Variants in LMF1 observed in about 807,000 individuals in gnomAD.
The protein encoded by LMF1 is transmembrane protein 112.
LMF1 carries 68 observed loss-of-function variants against 60.6 expected under a neutral mutation model. That is an observed-to-expected ratio of 1.12 (90% confidence interval 0.92 to 1.37). The LOEUF (loss-of-function observed/expected upper bound fraction) is 1.37, where lower values mean the gene tolerates loss of function less well. Ranked by LOEUF, LMF1 falls within the 40% of genes most tolerant of loss-of-function variation. The probability of loss-of-function intolerance (pLI) is 0.00; values close to 1 mark genes in which losing one functional copy is unlikely to be tolerated. For missense variants in LMF1, 948 were observed against 767.2 expected, an observed-to-expected ratio of 1.24 and a Z score of -2.78; for synonymous variants, 418 against 324.7, an observed-to-expected ratio of 1.29 and a Z score of -3.09.
chr16:871,493 C>T, intron 6 of LMF1, 152 bp from the exon 7 acceptor site: 2 of 749,340 alleles, frequency 2.7e-6, no homozygotes, highest in East Asian at 2.7e-5. Flanking sequence ...AACTGAAACC[C>T]AGCTGTGCCT....
intron 2 of LMF1, among the ~76,000 whole-genome samples, chr16:943,756 A>C (rs1482851323): frequency 1.3e-5 from 2 of 148,628 alleles, no homozygotes; most frequent in Non-Finnish European, 3.0e-5. Context: ...AAAAAGAGGA[A>C]TACTTCCCTT....
intron 4 of LMF1, chr16:901,064 G>C (rs921404917): frequency 6.6e-6 from 1 of 152,178 alleles, no homozygotes; most frequent in African/African-American, 2.4e-5. Flanking sequence ...ACAGAAGCCA[G>C]GTAGGGAGTC....
Position 870,716 on chromosome 16 carries a change from C to G in LMF1, c.1232+13G>C. 1.2e-6 allele frequency: 2 copies of G among 1,612,346 alleles called. No homozygotes were observed. Among genetic ancestry groups the G allele is most frequent in the Non-Finnish European group, 1.7e-6 (2 of 1,179,730 alleles). ...ATACCCAGCTCCGGGGGACGGGGAC[C>G]CCAGGCTCATACCTTCCGAAGGCCC... On this transcript the variant is annotated intron_variant, in intron 8 of 10. Transcript: ENST00000262301.
chr16:979,930 C>A, intron 1 of LMF1: 1 of 360,370 alleles, frequency 2.8e-6, no homozygotes, highest in Admixed American at 3.4e-5. Context: ...GCGGGGACCC[C>A]GAGCGGAGGG....
chr16:959,646 A>G (rs904767691), intron 1 of LMF1, among the ~76,000 whole-genome samples: 5 of 152,222 alleles, frequency 3.3e-5, no homozygotes, highest in Admixed American at 2.6e-4. Flanking sequence ...AACTCCGGAA[A>G]ATGTTCTGAG....
intron 5 of LMF1, among the ~76,000 whole-genome samples, chr16:892,217 G>C (rs141814637): frequency 1.3e-5 from 2 of 152,208 alleles, no homozygotes; most frequent in East Asian, 1.9e-4. Context: ...ACTGGCTGTC[G>C]GCAGCAGGCA....
intron 3 of LMF1, among the ~76,000 whole-genome samples, chr16:911,312 G>A (rs775298405): frequency 1.2e-4 from 19 of 152,184 alleles, no homozygotes; most frequent in Admixed American, 3.3e-4. Flanking sequence ...CTGTGACCTC[G>A]GCACCCTTCG....
At position 897,475 on chromosome 16, in the gene LMF1, T is replaced by C. The variant is rs1276709766; in HGVS notation, c.664-4403A>G. 6.6e-6 allele frequency among the ~76,000 whole-genome samples: 1 copy of C among 152,158 alleles called. No homozygotes were observed. The highest frequency in any genetic ancestry group is 2.4e-5 in the African/African-American group (1 of 41,448). On this transcript the variant is annotated intron_variant, in intron 4 of 10. Transcript: ENST00000262301. The surrounding 1 kb of genome is among the most constrained non-coding windows in gnomAD (Gnocchi z 4.3). ...TCTGGCGTTAGGGTCCCCTCGCCTG[T>C]ATCAGTGGCCCTTCCTCCCCACCTG...
rs536269053 is a variant in LMF1, at chr16:950,491, C to T, written c.503+3866G>A. On this transcript the variant is annotated intron_variant, in intron 2 of 10. Coordinates refer to ENST00000262301, the MANE Select transcript of LMF1 (RefSeq NM_022773.4). ...CAGCCAACGACAGAGTCAGAGCCAACGACAGAGTCAGAGATGACAGAGTCA... is the reference window on the plus strand; with the variant it reads ...CAGCCAACGACAGAGTCAGAGCCAATGACAGAGTCAGAGATGACAGAGTCA... Among the ~76,000 whole-genome samples, 31 of 94,292 alleles carry T rather than the reference C, an allele frequency of 3.3e-4. 2 individuals carry two copies. The highest frequency in any genetic ancestry group is 6.3e-3 in the Middle Eastern group (1 of 158). The allele number at this position is 94,292 out of a possible 152,430, so 61.9% of individuals were successfully genotyped here. A position where few individuals can be genotyped will look rare whatever the true frequency, so the allele number is the denominator to read the frequency against.
intron 10 of LMF1, among the ~76,000 whole-genome samples, chr16:856,726 G>A (rs1024777414): frequency 6.6e-6 from 1 of 152,264 alleles, no homozygotes; most frequent in African/African-American, 2.4e-5. Flanking sequence ...AGGCCCCAGC[G>A]GCCTGAAGGG....
intron 2 of LMF1, among the ~76,000 whole-genome samples, chr16:936,418 G>C (rs536721645): frequency 4.4e-5 from 6 of 135,098 alleles, no homozygotes; most frequent in African/African-American, 1.7e-4. Context: ...GGGAGAGAGG[G>C]CACCCCGTGG....
At position 854,468 on chromosome 16, in the gene LMF1, G is replaced by A. The variant is rs758119812; in HGVS notation, c.*64C>T. The A allele has an allele frequency of 5.3e-6, 8 of 1,497,064 alleles. No individual in the cohort carries two copies. The highest frequency in any genetic ancestry group is 5.4e-6 in the Non-Finnish European group (6 of 1,105,688). 92.7% of individuals were successfully genotyped at this position (1,497,064 alleles called of 1,614,324 possible). A position where few individuals can be genotyped will look rare whatever the true frequency, so the allele number is the denominator to read the frequency against. Reference sequence around the variant, plus strand: ...CGATGCCCAGCTTGGGCTGGGCGCAGGGAAGGGCAAACGTTGCTGAGCCGC... The same window carrying A: ...CGATGCCCAGCTTGGGCTGGGCGCAAGGAAGGGCAAACGTTGCTGAGCCGC... On this transcript the variant is annotated 3_prime_UTR_variant, in exon 11 of 11. Transcript: ENST00000262301.
rs534300300 is a variant in LMF1, at chr16:874,272, G to A, written c.898-2931C>T. On this transcript the variant is annotated intron_variant, in intron 6 of 10. Transcript: ENST00000262301. This position sits in a 1 kb window ranked among gnomAD's most constrained non-coding sequence, Gnocchi z 4.1. ...CTCAGGACAGCCGGCCTGTGTGTGC[G>A]GGGCTGGCAGGGCCTCCGGGCCTCT... 1.0e-3 allele frequency among the ~76,000 whole-genome samples: 152 copies of A among 152,300 alleles called. No homozygotes were observed. Among genetic ancestry groups the A allele is most frequent in the African/African-American group, 3.1e-3 (128 of 41,576 alleles).
At chr16:866,426 G>A (rs2069612522) in intron 10 of LMF1, among the ~76,000 whole-genome samples, 1 of 152,146 alleles carries the variant, frequency 6.6e-6, no homozygotes, top group African/African-American at 2.4e-5. Flanking sequence ...CTGGGTGGTG[G>A]TGAAGGTCCT....
chr16:957,031 C>T (rs2072720493), intron 1 of LMF1, among the ~76,000 whole-genome samples: 1 of 151,860 alleles, frequency 6.6e-6, no homozygotes, highest in Admixed American at 6.6e-5. Flanking sequence ...GTGGTGCACC[C>T]CGGTAGTCCC....
At chr16:879,495 A>G (rs2070095989) in intron 6 of LMF1, 75 bp downstream of exon 6, 4 of 1,535,498 alleles carry the variant, frequency 2.6e-6, no homozygotes, top group South Asian at 1.2e-5. Context: ...CCTCCCAGAG[A>G]GCGGGGCAGC....
intron 3 of LMF1, among the ~76,000 whole-genome samples, chr16:912,653 C>G (rs1308044750): frequency 6.6e-5 from 10 of 152,182 alleles, no homozygotes; most frequent in Admixed American, 6.5e-4. Flanking sequence ...AGCGGGACCC[C>G]CTCCACCTCG....
upstream of LMF1, among the ~76,000 whole-genome samples, chr16:972,872 C>G (rs930157588): frequency 1.3e-5 from 2 of 152,232 alleles, no homozygotes; most frequent in African/African-American, 4.8e-5. Flanking sequence ...TCTCTGAGCT[C>G]AAGTTTCCCT....
intron 3 of LMF1, among the ~76,000 whole-genome samples, chr16:920,192 A>ACTGGCC (rs1347064799): frequency 6.7e-6 from 1 of 149,440 alleles, no homozygotes; most frequent in African/African-American, 2.5e-5. Flanking sequence ...TGACATCCAC[A>ACTGGCC]CTGGCCCTGG....
Sources: allele counts gnomAD v4.1 joint callset (sites outside exome capture counted in the v4.1 genomes callset), GRCh38; gene constraint gnomAD v4.1.1; non-coding constraint Gnocchi (gnomAD v3.1); transcripts MANE v1.5; gene names NCBI Gene and HGNC (gene_info 2026-07-23, HGNC 2026-07-21).